BCO1: variants seen among roughly 807,000 people sequenced by gnomAD.
BCO1 encodes the protein beta-carotene oxygenase 1, also known as beta,beta-carotene 15,15'-dioxygenase.
In BCO1, 54 loss-of-function variants were observed where a neutral mutation model predicts 56.3. The ratio of observed to expected loss-of-function variants is 0.96; its 90% confidence interval spans 0.77 to 1.20. The LOEUF (loss-of-function observed/expected upper bound fraction) is 1.20. BCO1 is among the 50% of genes most tolerant of loss of function. The pLI, the probability that BCO1 is intolerant of heterozygous loss-of-function variation, is 0.00. For synonymous variants in BCO1, 318 were observed against 266.1 expected (o/e 1.20, Z -1.90); for missense variants, 801 against 690.9 (o/e 1.16, Z -1.79).
intron 4 of BCO1, chr16:81,263,859 T>G (rs1485147209): frequency 6.6e-6 from 1 of 152,400 alleles, no homozygotes; most frequent in Admixed American, 6.5e-5. Context: ...GAGATGAGGC[T>G]TTTCTTAGCT....
At chr16:81,260,117 C>CATAGAAAATGACA (rs1906393089) in intron 3 of BCO1, among the ~76,000 whole-genome samples, 2 of 152,110 alleles carry the variant, frequency 1.3e-5, no homozygotes, top group African/African-American at 4.8e-5. Flanking sequence ...GACACATGCA[C>CATAGAAAATGACA]CAGGTATTTG....
chr16:81,283,249 T>G (rs1296489786), intron 8 of BCO1, among the ~76,000 whole-genome samples: 2 of 152,038 alleles, frequency 1.3e-5, no homozygotes, highest in Non-Finnish European at 2.9e-5. Context: ...ACACCTATAA[T>G]CCCAGCACTT....
rs555122072 is a variant in BCO1 at position 81,274,326 on chromosome 16, T to G, written c.1101+3910T>G. On this transcript the variant is annotated intron_variant, in intron 7 of 10. Coordinates refer to ENST00000258168, the MANE Select transcript of BCO1 (RefSeq NM_017429.3). ...TCGCCCAGGCTGGAGTGCAGTGGCG[T>G]GATCTCGGCTCACTGCAAGCTCCGC... 2.1e-3 allele frequency among the ~76,000 whole-genome samples: 304 copies of G among 141,544 alleles called. 3 individuals carry two copies. The highest frequency in any genetic ancestry group is 7.7e-3 in the African/African-American group (289 of 37,452). 92.9% of individuals were successfully genotyped at this position (141,544 alleles called of 152,430 possible). A position where few individuals can be genotyped will look rare whatever the true frequency, so the allele number is the denominator to read the frequency against.
intron 7 of BCO1, among the ~76,000 whole-genome samples, chr16:81,272,596 G>C (rs752590611): frequency 2.6e-5 from 4 of 152,054 alleles, no homozygotes; most frequent in Admixed American, 6.6e-5. Context: ...CACCAGGCCA[G>C]ACATTATCCC....
chr16:81,287,321 G>C lies in BCO1; in HGVS notation c.1329G>C (p.Lys443Asn). 1 of 1,613,968 alleles carries C rather than the reference G, an allele frequency of 6.2e-7. No homozygotes were observed. Among genetic ancestry groups the C allele is most frequent in the South Asian group, 1.1e-5 (1 of 91,070 alleles). Residue 443 changes from lysine to asparagine, a missense_variant, in exon 10 of 11, where the codon AAG (lysine) becomes AAC (asparagine). Lys to Asn is a moderately conservative substitution (Grantham distance 94). Transcript: ENST00000258168. ...TAATAAAATATGACATTCTCACAAA[G>C]TCATCCTTAAAATGGAGAGAGGACG... ...TKIIKYDILT[K>N]SSLKWREDDC...
intron 8 of BCO1, among the ~76,000 whole-genome samples, chr16:81,282,781 C>T (rs549101333): frequency 1.3e-5 from 2 of 152,212 alleles, no homozygotes; most frequent in African/African-American, 2.4e-5. Flanking sequence ...CCCGTGACAG[C>T]GCTTTGGGCT....
chr16:81,256,960 C>G (rs1906175050), intron 2 of BCO1, among the ~76,000 whole-genome samples: 1 of 152,074 alleles, frequency 6.6e-6, no homozygotes, highest in Non-Finnish European at 1.5e-5. Flanking sequence ...AATTTCATTT[C>G]ACTCCTGTCC....
In BCO1 at chr16:81,238,849, T is replaced by G; in HGVS notation, c.-60T>G. The G allele has an allele frequency of 1.8e-5, 26 of 1,466,544 alleles. No individual in the cohort carries two copies. Among genetic ancestry groups the G allele is most frequent in the Non-Finnish European group, 2.5e-5 (26 of 1,045,898 alleles). 90.8% of individuals were successfully genotyped at this position (1,466,544 alleles called of 1,614,324 possible). A position where few individuals can be genotyped will look rare whatever the true frequency, so the allele number is the denominator to read the frequency against. ...CGCAGGAGGAGGGAGCAGCATCTCC[T>G]GTGAACACAGAGGAGCACCTGTTTG... On this transcript the variant is annotated 5_prime_UTR_variant, in exon 1 of 11. Coordinates refer to ENST00000258168, the MANE Select transcript of BCO1 (RefSeq NM_017429.3).
chr16:81,284,015 C>T (rs1908025490), intron 8 of BCO1, among the ~76,000 whole-genome samples: 1 of 150,428 alleles, frequency 6.6e-6, no homozygotes, highest in South Asian at 2.1e-4. Context: ...GAAACCCTGT[C>T]TCTACTGAAA....
chr16:81,275,779 G>A (rs1907517529), intron 7 of BCO1, among the ~76,000 whole-genome samples: 1 of 152,230 alleles, frequency 6.6e-6, no homozygotes, highest in Non-Finnish European at 1.5e-5. Flanking sequence ...AGGCCAGGAG[G>A]TCCTGAATGT....
intron 7 of BCO1, among the ~76,000 whole-genome samples, chr16:81,280,033 CG>C (rs1567463083): frequency 6.6e-6 from 1 of 151,844 alleles, no homozygotes; most frequent in Non-Finnish European, 1.5e-5. Flanking sequence ...GAGGCCGAGG[CG>C]GGTGGATCAC....
intron 5 of BCO1, among the ~76,000 whole-genome samples, chr16:81,266,050 C>T (rs1906803237): frequency 1.3e-5 from 2 of 152,032 alleles, no homozygotes; most frequent in Non-Finnish European, 2.9e-5. Flanking sequence ...TTCATCCTTC[C>T]ATCCATTCAG....
chr16:81,280,156 T>C (rs1907782956), intron 7 of BCO1, among the ~76,000 whole-genome samples: 1 of 150,934 alleles, frequency 6.6e-6, no homozygotes, highest in Non-Finnish European at 1.5e-5. Flanking sequence ...CCAGCTACTC[T>C]GGAGGCTGAG....
At chr16:81,239,031 T>G in intron 1 of BCO1, 59 bp downstream of exon 1, 1 of 1,486,170 alleles carries the variant, frequency 6.7e-7, no homozygotes, top group Non-Finnish European at 9.1e-7. Flanking sequence ...TTTTTTTTTT[T>G]TTTGAGGCGG....
chr16:81,268,150 C>G lies in BCO1; in HGVS notation c.843+19C>G, dbSNP rs575281618. On this transcript the variant is annotated intron_variant, in intron 6 of 10. Coordinates refer to ENST00000258168, the MANE Select transcript of BCO1 (RefSeq NM_017429.3). ...GGAGAAGGTGAGGTCTGGCTGGACT[C>G]TAGCCCAGTGGGTGCTGGCTGACCA... The G allele has an allele frequency of 1.3e-5, 21 of 1,598,694 alleles. No homozygotes were observed. The highest frequency in any genetic ancestry group is 1.1e-4 in the South Asian group (10 of 90,962).
intron 8 of BCO1, among the ~76,000 whole-genome samples, 194 bp downstream of exon 8, chr16:81,281,156 A>G (rs930206280): frequency 3.9e-5 from 6 of 152,110 alleles, no homozygotes; most frequent in South Asian, 2.1e-4. Flanking sequence ...TAGGAAGGCA[A>G]TGGGTGAGGC....
intron 7 of BCO1, among the ~76,000 whole-genome samples, chr16:81,277,218 T>G (rs1907612551): frequency 6.6e-6 from 1 of 152,084 alleles, no homozygotes; most frequent in Non-Finnish European, 1.5e-5. Context: ...TTAATTTGCT[T>G]GGTGTATTTA....
chr16:81,260,863 C>A (rs532506501), intron 3 of BCO1, among the ~76,000 whole-genome samples: 3 of 152,292 alleles, frequency 2.0e-5, no homozygotes, highest in Admixed American at 2.0e-4. Flanking sequence ...TGTTACATAT[C>A]TGACAGTTAA....
intron 8 of BCO1, among the ~76,000 whole-genome samples, chr16:81,283,090 T>C (rs747079746): frequency 1.3e-5 from 2 of 152,192 alleles, no homozygotes; most frequent in Non-Finnish European, 2.9e-5. Flanking sequence ...GCCCATTGCC[T>C]CTGCATTTGT....
Sources: gnomAD v4.1 joint callset for allele counts (sites outside exome capture counted in the v4.1 genomes callset) on GRCh38, gnomAD v4.1.1 for gene constraint, MANE v1.5 for transcripts, NCBI Gene and HGNC (gene_info 2026-07-23, HGNC 2026-07-21) for gene names.